Variants in CACNA1D observed in about 807,000 individuals in gnomAD.
CACNA1D encodes voltage-dependent L-type calcium channel subunit alpha-1D.
A neutral mutation model predicts 257.1 loss-of-function variants in CACNA1D; 55 were observed. The observed-to-expected ratio is 0.21, with a 90% CI of 0.17 to 0.27. The LOEUF (loss-of-function observed/expected upper bound fraction) is 0.27. CACNA1D is among the 10% of genes least tolerant of loss of function. The probability of loss-of-function intolerance (pLI) is 1.00; values close to 1 mark genes in which losing one functional copy is unlikely to be tolerated. For synonymous variants in CACNA1D, 980 were observed against 1,014.9 expected, an observed-to-expected ratio of 0.97 and a Z score of 0.65; for missense variants, 1,876 against 2,784.0, an observed-to-expected ratio of 0.67 and a Z score of 7.34.
Position 53,673,056 on chromosome 3 carries a change from G to C in CACNA1D, c.1150G>C (p.Val384Leu). The change falls in exon 8 of 48, where the codon GTG becomes CTG. Residue 384 changes from valine to leucine, a missense_variant. By Grantham distance (32) the Val-to-Leu change is conservative (BLOSUM62 1). Coordinates refer to ENST00000350061, the MANE Select transcript of CACNA1D (RefSeq NM_001128840.3). This position sits in a 1 kb window ranked among gnomAD's most constrained non-coding sequence, Gnocchi z 4.1. ...NDAMGFELPWVYFVSLVIFGS... is the reference protein window; with the variant it reads ...NDAMGFELPWLYFVSLVIFGS... The stretch of plus-strand genomic sequence containing the variant: ...TGCTATGGGATTTGAATTGCCCTGG[G>C]TGTATTTTGTCAGTCTCGTCATCTT... The C allele has an allele frequency of 6.4e-7, 1 of 1,552,066 alleles. No individual in the cohort carries two copies. The highest frequency in any genetic ancestry group is 8.7e-7 in the Non-Finnish European group (1 of 1,147,112).
intron 3 of CACNA1D, among the ~76,000 whole-genome samples, chr3:53,631,517 G>C (rs1342151359): frequency 6.6e-6 from 1 of 152,164 alleles, no homozygotes; most frequent in Non-Finnish European, 1.5e-5. Flanking sequence ...ATCCATGAGG[G>C]TTGGAATCAA....
chr3:53,599,907 TTA>T (rs2093420898), intron 3 of CACNA1D, among the ~76,000 whole-genome samples: 1 of 152,226 alleles, frequency 6.6e-6, no homozygotes, highest in South Asian at 2.1e-4. Flanking sequence ...CTTCAGACAT[TTA>T]TATGTTCAGA....
intron 17 of CACNA1D, among the ~76,000 whole-genome samples, chr3:53,731,725 A>C (rs1170561221): frequency 6.6e-6 from 1 of 152,224 alleles, no homozygotes; most frequent in Non-Finnish European, 1.5e-5. Flanking sequence ...TATGAGATGC[A>C]TTATCACATG....
At chr3:53,603,061 A>G (rs2093465125) in intron 3 of CACNA1D, among the ~76,000 whole-genome samples, 2 of 152,202 alleles carry the variant, frequency 1.3e-5, no homozygotes, top group Admixed American at 1.3e-4. Context: ...AGGTCCCTAG[A>G]GCCGTGAAGG....
intron 3 of CACNA1D, among the ~76,000 whole-genome samples, chr3:53,618,616 A>C (rs955248050): frequency 3.3e-5 from 5 of 152,086 alleles, no homozygotes; most frequent in African/African-American, 1.2e-4. Context: ...TGGACCATTT[A>C]TTGCACCTGC....
chr3:53,721,875 G>A (rs1576459518), intron 11 of CACNA1D, among the ~76,000 whole-genome samples: 2 of 152,176 alleles, frequency 1.3e-5, no homozygotes, highest in African/African-American at 4.8e-5. Context: ...TTGAGATGCT[G>A]CAAGAGATGT....
At chr3:53,664,836 T>C (rs1309835100) in intron 5 of CACNA1D, among the ~76,000 whole-genome samples, 1 of 152,254 alleles carries the variant, frequency 6.6e-6, no homozygotes, top group Non-Finnish European at 1.5e-5. Flanking sequence ...GTCAGGGGGC[T>C]CCTTGCTTCT....
chr3:53,576,415 A>G (rs917434598), intron 3 of CACNA1D, among the ~76,000 whole-genome samples: 1 of 152,232 alleles, frequency 6.6e-6, no homozygotes, highest in African/African-American at 2.4e-5. Flanking sequence ...TGAAATTTTC[A>G]GTGTGCAGAA....
chr3:53,760,007 A>C (rs557355650), intron 29 of CACNA1D, among the ~76,000 whole-genome samples: 1 of 152,158 alleles, frequency 6.6e-6, no homozygotes, highest in African/African-American at 2.4e-5. Flanking sequence ...AGATCATCAG[A>C]TTTGGGGCTC....
rs571080981 is a variant in CACNA1D at position 53,507,633 on chromosome 3, AAAG to A, written c.483+5919_483+5921del. On this transcript the variant is annotated intron_variant, in intron 3 of 47. Transcript: ENST00000350061. ...ACCCTGTCTCAAAAATAAAGGAAAAAAAGAAGAATTTAGGTTTTTTACTATTAA... is the reference window on the plus strand; with the variant it reads ...ACCCTGTCTCAAAAATAAAGGAAAAAAAGAATTTAGGTTTTTTACTATTAA... Among the ~76,000 whole-genome samples the A allele has an allele frequency of 2.3e-4, 35 of 152,316 alleles. 1 individual carries two copies. The highest frequency in any genetic ancestry group is 3.4e-3 in the Middle Eastern group (1 of 292).
At chr3:53,736,287 G>A (rs1258090525) in intron 20 of CACNA1D, among the ~76,000 whole-genome samples, 2 of 151,976 alleles carry the variant, frequency 1.3e-5, no homozygotes, top group Admixed American at 1.3e-4. Context: ...GCTGCAGCAA[G>A]CAATGTTTGC....
At chr3:53,580,288 T>C (rs2093110025) in intron 3 of CACNA1D, among the ~76,000 whole-genome samples, 1 of 152,186 alleles carries the variant, frequency 6.6e-6, no homozygotes, top group African/African-American at 2.4e-5. Context: ...CATTCACCCA[T>C]AGTGATGGAG....
intron 3 of CACNA1D, among the ~76,000 whole-genome samples, chr3:53,537,701 G>A (rs1402657216): frequency 6.6e-6 from 1 of 152,134 alleles, no homozygotes; most frequent in Non-Finnish European, 1.5e-5. Context: ...TGACTTGGTT[G>A]TTGTCCTTTA....
intron 3 of CACNA1D, among the ~76,000 whole-genome samples, chr3:53,559,826 G>C (rs1254579517): frequency 6.6e-6 from 1 of 152,138 alleles, no homozygotes; most frequent in Non-Finnish European, 1.5e-5. Flanking sequence ...TACTTTACGT[G>C]ACTGTGTCCA....
At chr3:53,643,075 C>T (rs778514291) in intron 3 of CACNA1D, among the ~76,000 whole-genome samples, 9 of 152,260 alleles carry the variant, frequency 5.9e-5, no homozygotes, top group South Asian at 4.2e-4. Context: ...ATGTCTCAAA[C>T]GGGGCAACAC....
At chr3:53,782,298 A>ATATAT (rs2095430593) in intron 39 of CACNA1D, 1 of 136,618 alleles carries the variant, frequency 7.3e-6, no homozygotes, top group Admixed American at 7.3e-5. Context: ...ATATATGCAT[A>ATATAT]CTGGCTTTGC....
chr3:53,723,376 G>T lies in CACNA1D; in HGVS notation c.1667-58G>T. On this transcript the variant is annotated intron_variant, in intron 12 of 47. Coordinates refer to ENST00000350061, the MANE Select transcript of CACNA1D (RefSeq NM_001128840.3). The surrounding 1 kb of genome is among the most constrained non-coding windows in gnomAD (Gnocchi z 5.6). ...ATAGGGAGGGAGGTGTGAGGGGCAC[G>T]AGCAGTCTGAGTGTCTTGCAGGAGA... The T allele has an allele frequency of 7.9e-7, 1 of 1,259,436 alleles. No homozygotes were observed. The highest frequency in any genetic ancestry group is 1.2e-5 in the South Asian group (1 of 83,884). The allele number at this position is 1,259,436 out of a possible 1,614,324, so 78.0% of individuals were successfully genotyped here. A position where few individuals can be genotyped will look rare whatever the true frequency, so the allele number is the denominator to read the frequency against.
Position 53,809,996 on chromosome 3 carries a change from C to T in CACNA1D, c.5890C>T (p.Leu1964=). 1 of 1,614,098 alleles carries T rather than the reference C, an allele frequency of 6.2e-7. No individual in the cohort carries two copies. Among genetic ancestry groups the T allele is most frequent in the Non-Finnish European group, 8.5e-7 (1 of 1,180,034 alleles). ...MQQQIMAVAG[L]DSSKAQKYSP... ...TCCTCAGATCATGGCAGTTGCCGGC[C>T]TAGATTCAAGTAAAGCCCAGAAGTA... The change falls in exon 47 of 48, where the codon CTA becomes TTA. Residue 1964 remains leucine (L), a synonymous_variant. Coordinates refer to ENST00000350061, the MANE Select transcript of CACNA1D (RefSeq NM_001128840.3).
intron 8 of CACNA1D, among the ~76,000 whole-genome samples, chr3:53,681,910 C>G (rs1366972048): frequency 7.4e-6 from 1 of 134,680 alleles, no homozygotes; most frequent in African/African-American, 4.0e-5. Flanking sequence ...AAAGGAGGTA[C>G]AGTAGGAAGG....
Sources: allele counts gnomAD v4.1 joint callset (sites outside exome capture counted in the v4.1 genomes callset), GRCh38; gene constraint gnomAD v4.1.1; non-coding constraint Gnocchi (gnomAD v3.1); transcripts MANE v1.5; gene names NCBI Gene and HGNC (gene_info 2026-07-23, HGNC 2026-07-21).